The following GRM3 variants were observed in gnomAD, a reference collection of about 807,000 sequenced individuals.
GRM3 encodes metabotropic glutamate receptor 3.
Under a neutral mutation model 70.5 loss-of-function variants are expected in GRM3, and 26 were observed. The ratio of observed to expected loss-of-function variants is 0.37; its 90% CI spans 0.27 to 0.51. The LOEUF (loss-of-function observed/expected upper bound fraction) is 0.51, where lower values mean the gene tolerates loss of function less well. Ranked by LOEUF, GRM3 falls within the 20% of genes least tolerant of loss-of-function variation. GRM3 has a pLI of 0.93. For missense variants in GRM3, 859 were observed against 1,123.8 expected (o/e 0.76, Z 3.37); for synonymous variants, 443 against 434.9 (o/e 1.02, Z -0.23).
In GRM3 at chr7:86,670,500, CA is replaced by C. The variant is rs147880739; in HGVS notation, c.-141+25629del. ...GGAAAGCCAAAAGAATTTCTGCCTG[CA>C]TATCTTGAGTCCACAAATCCAATTG... is the stretch of plus-strand genomic sequence containing the variant. On this transcript the variant is annotated intron_variant, in intron 1 of 5. Transcript: ENST00000361669. Among the ~76,000 whole-genome samples the C allele has an allele frequency of 4.4e-3, 664 of 152,328 alleles. 6 individuals are homozygous for C. The highest frequency in any genetic ancestry group is 0.015 in the African/African-American group (634 of 41,576).
intron 1 of GRM3, among the ~76,000 whole-genome samples, chr7:86,654,785 C>T (rs755095954): frequency 2.0e-5 from 3 of 152,204 alleles, no homozygotes; most frequent in Non-Finnish European, 4.4e-5. Flanking sequence ...TATACAATTA[C>T]TTATTCATCA....
At chr7:86,812,427 G>A (rs935041004) in intron 3 of GRM3, among the ~76,000 whole-genome samples, 4 of 151,768 alleles carry the variant, frequency 2.6e-5, no homozygotes, top group Non-Finnish European at 5.9e-5. Flanking sequence ...AAACTTTAGA[G>A]TATGTGGCTA....
chr7:86,686,673 C>T (rs1005695422), intron 1 of GRM3, among the ~76,000 whole-genome samples: 1 of 151,948 alleles, frequency 6.6e-6, no homozygotes, highest in Non-Finnish European at 1.5e-5. Context: ...CTATAGCTGA[C>T]AAAAAACAAA....
At position 86,786,947 on chromosome 7, in the gene GRM3, G is replaced by A; in HGVS notation, c.1155G>A (p.Glu385=). Residue 385 remains glutamate (E), a synonymous_variant, in exon 3 of 6, where the codon GAG becomes GAA. Coordinates refer to ENST00000361669, the MANE Select transcript of GRM3 (RefSeq NM_000840.3). The surrounding 1 kb of genome is among the most constrained non-coding windows in gnomAD (Gnocchi z 6.0). ...KHLAIDSSNY[E]QESKIMFVVN... ...TGGCCATCGACAGCAGCAACTACGAGCAAGAGTCCAAGATCATGTTTGTGG... is the reference window on the plus strand; with the variant it reads ...TGGCCATCGACAGCAGCAACTACGAACAAGAGTCCAAGATCATGTTTGTGG... 6.2e-7 allele frequency: 1 copy of A among 1,614,164 alleles called. No homozygotes were observed. The highest frequency in any genetic ancestry group is 8.5e-7 in the Non-Finnish European group (1 of 1,180,000).
At position 86,765,084 on chromosome 7, in the gene GRM3, A is replaced by C. The variant is rs1796567400; in HGVS notation, c.-62A>C. ...CAAAGATCCAGTTTGGAAATGAGAG[A>C]GGACTAGCATGACACATTGGCTCCA... On this transcript the variant is annotated 5_prime_UTR_variant, in exon 2 of 6. Coordinates refer to ENST00000361669, the MANE Select transcript of GRM3 (RefSeq NM_000840.3). 1 of 1,506,782 alleles carries C rather than the reference A, an allele frequency of 6.6e-7. No homozygotes were observed. Among genetic ancestry groups the C allele is most frequent in the African/African-American group, 1.4e-5 (1 of 71,504 alleles). 93.3% of individuals were successfully genotyped at this position (1,506,782 alleles called of 1,614,324 possible). A position where few individuals can be genotyped will look rare whatever the true frequency, so the allele number is the denominator to read the frequency against.
At chr7:86,688,338 T>C (rs1794614383) in intron 1 of GRM3, among the ~76,000 whole-genome samples, 1 of 151,406 alleles carries the variant, frequency 6.6e-6, no homozygotes, top group African/African-American at 2.4e-5. Flanking sequence ...AAAAGAAAAA[T>C]TATGTGGTTA....
chr7:86,847,989 T>G (rs886781739), intron 4 of GRM3, among the ~76,000 whole-genome samples: 1 of 152,164 alleles, frequency 6.6e-6, no homozygotes, highest in African/African-American at 2.4e-5. Context: ...TTAGCAAGGG[T>G]AATCATCCCC....
chr7:86,791,499 A>C (rs1797417330), intron 3 of GRM3, among the ~76,000 whole-genome samples: 3 of 152,162 alleles, frequency 2.0e-5, no homozygotes, highest in Non-Finnish European at 4.4e-5. Flanking sequence ...GAATCCCAAG[A>C]ATTGAAAGTG....
chr7:86,855,926 A>T (rs1798837624), intron 5 of GRM3, among the ~76,000 whole-genome samples: 1 of 152,184 alleles, frequency 6.6e-6, no homozygotes, highest in Non-Finnish European at 1.5e-5. Flanking sequence ...GGAACCCCAC[A>T]TGACACTATG....
intron 1 of GRM3, among the ~76,000 whole-genome samples, chr7:86,704,442 T>C (rs549944209): frequency 9.0e-4 from 137 of 152,058 alleles, no homozygotes; most frequent in African/African-American, 2.6e-3. Flanking sequence ...TCGTTTCTAA[T>C]GCATTTTTAC....
chr7:86,715,602 C>G (rs1403165845), intron 1 of GRM3, among the ~76,000 whole-genome samples: 1 of 151,978 alleles, frequency 6.6e-6, no homozygotes, highest in Non-Finnish European at 1.5e-5. Context: ...GCACCTAACA[C>G]AAATAGATGT....
chr7:86,806,708 T>G (rs1797801658), intron 3 of GRM3, among the ~76,000 whole-genome samples: 1 of 152,208 alleles, frequency 6.6e-6, no homozygotes, highest in African/African-American at 2.4e-5. Flanking sequence ...CTGTTCACTC[T>G]GATGGTAGTT....
chr7:86,687,675 A>C (rs1794598581), intron 1 of GRM3, among the ~76,000 whole-genome samples: 1 of 151,948 alleles, frequency 6.6e-6, no homozygotes, highest in Non-Finnish European at 1.5e-5. Flanking sequence ...GAACTTTAGG[A>C]AACAGTGGAA....
intron 1 of GRM3, among the ~76,000 whole-genome samples, chr7:86,748,632 T>A (rs1796159994): frequency 6.6e-6 from 1 of 152,060 alleles, no homozygotes; most frequent in Non-Finnish European, 1.5e-5. Flanking sequence ...AAACATTTTA[T>A]AATCTATAAA....
Position 86,864,528 on chromosome 7 carries a change from C to A in GRM3, c.*173C>A. 2 of 572,218 alleles carry A rather than the reference C, an allele frequency of 3.5e-6. No homozygotes were observed. Among genetic ancestry groups the A allele is most frequent in the South Asian group, 2.2e-5 (1 of 46,176 alleles). The allele number at this position is 572,218 out of a possible 1,614,324, so 35.4% of individuals were successfully genotyped here. On this transcript the variant is annotated 3_prime_UTR_variant, in exon 6 of 6. Coordinates refer to ENST00000361669, the MANE Select transcript of GRM3 (RefSeq NM_000840.3). ...TAGTGATGTGCTAGAACTTTCTAGG[C>A]TGAGTCTAGTGCCCCTATTATTAAC...
intron 3 of GRM3, among the ~76,000 whole-genome samples, chr7:86,799,962 C>T (rs199913806): frequency 6.6e-6 from 1 of 152,276 alleles, no homozygotes; most frequent in Middle Eastern, 3.4e-3. Flanking sequence ...TTGAACCAGG[C>T]TTGCATGCCA....
At chr7:86,828,106 C>T (rs1449690690) in intron 3 of GRM3, among the ~76,000 whole-genome samples, 2 of 103,140 alleles carry the variant, frequency 1.9e-5, no homozygotes, top group Middle Eastern at 6.0e-3. Flanking sequence ...AGCAGAACTC[C>T]GTATCAAAAA....
intron 3 of GRM3, among the ~76,000 whole-genome samples, chr7:86,806,065 A>G (rs1797784943): frequency 6.6e-6 from 1 of 152,196 alleles, no homozygotes; most frequent in Non-Finnish European, 1.5e-5. Context: ...ATGTCCCTGC[A>G]AAGGACATGA....
intron 3 of GRM3, among the ~76,000 whole-genome samples, chr7:86,799,149 C>G (rs1797624132): frequency 6.6e-6 from 1 of 152,176 alleles, no homozygotes; most frequent in Non-Finnish European, 1.5e-5. Context: ...ATTTGGCTCT[C>G]TGCTCATCTA....
Sources: allele counts gnomAD v4.1 joint callset (sites outside exome capture counted in the v4.1 genomes callset), GRCh38; gene constraint gnomAD v4.1.1; non-coding constraint Gnocchi (gnomAD v3.1); transcripts MANE v1.5; gene names NCBI Gene and HGNC (gene_info 2026-07-23, HGNC 2026-07-21).